BRD10: variants seen among roughly 807,000 people sequenced by gnomAD.
The protein encoded by BRD10 is uncharacterized bromodomain-containing protein 10.
chr9:5,950,255 G>A, the BRD10 span, among the ~76,000 whole-genome samples: 12 of 152,104 alleles, frequency 7.9e-5, no homozygotes, highest in Non-Finnish European at 1.5e-4. Flanking sequence ...ATGTTTTTAT[G>A]CCATTTTTAA....
chr9:5,964,624 T>C, the BRD10 span, among the ~76,000 whole-genome samples: 64 of 141,126 alleles, frequency 4.5e-4, no homozygotes, highest in East Asian at 4.0e-3. Flanking sequence ...TATTGCGGCA[T>C]TATTCACAAT....
At chr9:5,970,529 G>C in the BRD10 span, among the ~76,000 whole-genome samples, 1 of 152,066 alleles carries the variant, frequency 6.6e-6, no homozygotes, top group African/African-American at 2.4e-5. Context: ...TTAGGCAATG[G>C]TTTCTTAGAT....
the BRD10 span, among the ~76,000 whole-genome samples, chr9:5,949,371 A>AAACAAAC: frequency 1.4e-4 from 21 of 151,862 alleles, 1 homozygote; most frequent in Non-Finnish European, 2.9e-5. Flanking sequence ...ACAAACAAAC[A>AAACAAAC]AACAACAACA....
At chr9:5,995,252 T>C in the BRD10 span, among the ~76,000 whole-genome samples, 37 of 152,308 alleles carry the variant, frequency 2.4e-4, 1 homozygote, top group Admixed American at 2.4e-3. Flanking sequence ...CGCAGGTGAC[T>C]GCCCATAACT....
At chr9:5,983,352 C>T in the BRD10 span, among the ~76,000 whole-genome samples, 2 of 152,128 alleles carry the variant, frequency 1.3e-5, no homozygotes, top group Admixed American at 1.3e-4. Flanking sequence ...CAGAACAAAG[C>T]CTAATCCTCC....
At chr9:5,950,749 T>C in the BRD10 span, among the ~76,000 whole-genome samples, 1 of 152,138 alleles carries the variant, frequency 6.6e-6, no homozygotes, top group Non-Finnish European at 1.5e-5. Flanking sequence ...GACTCACCTC[T>C]GAACCCTGCG....
At chr9:5,892,273 G>T in the BRD10 span, among the ~76,000 whole-genome samples, 1 of 152,136 alleles carries the variant, frequency 6.6e-6, no homozygotes, top group African/African-American at 2.4e-5. Context: ...CTGAGCTATT[G>T]CTAAAGCCCT....
the BRD10 span, among the ~76,000 whole-genome samples, chr9:5,959,027 T>C: frequency 6.6e-6 from 1 of 152,226 alleles, no homozygotes; most frequent in Admixed American, 6.5e-5. Flanking sequence ...TTTCTTATCA[T>C]ACTGGTAATT....
chr9:5,964,043 C>A, the BRD10 span, among the ~76,000 whole-genome samples: 129 of 152,148 alleles, frequency 8.5e-4, no homozygotes, highest in African/African-American at 1.2e-3. Context: ...ACAAAAGCCA[C>A]AATTGACAAA....
the BRD10 span, chr9:5,944,931 CCT>C: frequency 1.3e-6 from 2 of 1,540,164 alleles, no homozygotes; most frequent in Non-Finnish European, 1.8e-6. Context: ...TGATTAATTC[CCT>C]GAGTTCATCA....
the BRD10 span, chr9:5,891,234 TCTC>T: frequency 2.0e-5 from 3 of 152,170 alleles, no homozygotes; most frequent in Non-Finnish European, 2.9e-5. Context: ...AAGAACCACT[TCTC>T]CTGGTCTGAG....
At chr9:5,901,281 G>C in the BRD10 span, among the ~76,000 whole-genome samples, 1 of 152,160 alleles carries the variant, frequency 6.6e-6, no homozygotes, top group Non-Finnish European at 1.5e-5. Context: ...GGTGAGACAG[G>C]ACATCCTTGC....
the BRD10 span, chr9:6,008,288 G>A: frequency 1.4e-5 from 14 of 984,748 alleles, no homozygotes; most frequent in Non-Finnish European, 1.7e-5. Context: ...TACCTGCGGG[G>A]GACACGGGCA....
At chr9:6,004,651 C>T in the BRD10 span, among the ~76,000 whole-genome samples, 1 of 152,140 alleles carries the variant, frequency 6.6e-6, no homozygotes, top group African/African-American at 2.4e-5. Flanking sequence ...CTAAGTGATT[C>T]ATTGGTTTCA....
chr9:5,926,988 T>C, the BRD10 span, among the ~76,000 whole-genome samples: 1 of 152,176 alleles, frequency 6.6e-6, no homozygotes, highest in Non-Finnish European at 1.5e-5. Context: ...TCAATTATTG[T>C]TAAGGGTTTT....
At chr9:5,893,676 A>T in the BRD10 span, among the ~76,000 whole-genome samples, 1 of 151,928 alleles carries the variant, frequency 6.6e-6, no homozygotes, top group African/African-American at 2.4e-5. Flanking sequence ...CACTCAACAG[A>T]CTCTTTAAAA....
At chr9:5,927,783 C>T in the BRD10 span, among the ~76,000 whole-genome samples, 5 of 152,282 alleles carry the variant, frequency 3.3e-5, no homozygotes, top group African/African-American at 1.2e-4. Flanking sequence ...TCTACTGAGT[C>T]CTACTCATCT....
At chr9:5,895,555 G>C in the BRD10 span, among the ~76,000 whole-genome samples, 1 of 152,160 alleles carries the variant, frequency 6.6e-6, no homozygotes. Flanking sequence ...AGCCAAGAAG[G>C]ACTACATACC....
the BRD10 span, among the ~76,000 whole-genome samples, chr9:5,989,264 C>A: frequency 0.93 from 97,021 of 104,344 alleles, 44,883 homozygotes; most frequent in East Asian, 0.96. Flanking sequence ...AAAAAAAAAT[C>A]CAAAAATTAG....
Sources: gnomAD v4.1 joint callset for allele counts (sites outside exome capture counted in the v4.1 genomes callset) on GRCh38, gnomAD v4.1.1 for gene constraint, MANE v1.5 for transcripts, NCBI Gene and HGNC (gene_info 2026-07-23, HGNC 2026-07-21) for gene names.